NAA11: variants seen among roughly 807,000 people sequenced by gnomAD.
The protein encoded by NAA11 is N-alpha-acetyltransferase 11.
A neutral mutation model predicts 16.1 loss-of-function variants in NAA11; 15 were observed. The observed-to-expected ratio is 0.93, with a 90% CI of 0.62 to 1.44. The LOEUF is 1.44. Among genes scored for constraint, NAA11 ranks in the 40% most tolerant of loss-of-function variants. The pLI is 0.00. For missense variants in NAA11, 298 were observed against 291.3 expected (o/e 1.02, Z -0.17); for synonymous variants, 122 against 112.4 (o/e 1.09, Z -0.54).
chr4:79,246,474 C>A (rs1244964532), intron 2 of NAA11, among the ~76,000 whole-genome samples: 1 of 150,240 alleles, frequency 6.7e-6, no homozygotes, highest in Non-Finnish European at 1.5e-5. Context: ...CTTTAAAATG[C>A]AATTAAGTAT....
intron 2 of NAA11, among the ~76,000 whole-genome samples, chr4:79,228,619 G>T (rs990529120): frequency 1.3e-5 from 2 of 151,794 alleles, no homozygotes; most frequent in Non-Finnish European, 1.5e-5. Flanking sequence ...ATTAAGATTT[G>T]CCCATGTTTC....
At chr4:79,217,911 AGAAG>A in the NAA11 span, among the ~76,000 whole-genome samples, 1 of 152,132 alleles carries the variant, frequency 6.6e-6, no homozygotes. Flanking sequence ...GAAGGAAGAG[AGAAG>A]GAAGGAAGAA....
Position 79,243,073 on chromosome 4 carries a change from G to C in NAA11, c.*123-16803C>G, listed in dbSNP as rs116119873. Among the ~76,000 whole-genome samples, 948 of 152,256 alleles carry C rather than the reference G, an allele frequency of 6.2e-3. 12 individuals are homozygous for C. Among genetic ancestry groups the C allele is most frequent in the African/African-American group, 0.022 (904 of 41,544 alleles). ...TTACCCAAGTGATTTTCCGGAGTTG[G>C]GTCAAGTTTGAAATTTCTGGGTAGT... On this transcript the variant is annotated intron_variant and NMD_transcript_variant, in intron 2 of 2. Coordinates refer to the NAA11 transcript ENST00000511542.
chr4:79,190,160 C>T, the NAA11 span, among the ~76,000 whole-genome samples: 1 of 152,064 alleles, frequency 6.6e-6, no homozygotes, highest in African/African-American at 2.4e-5. Context: ...GGGAAAAATC[C>T]ACTTCAAATG....
At chr4:79,315,999 T>C (rs1272462184), downstream of NAA11, among the ~76,000 whole-genome samples, 1 of 152,190 alleles carries the variant, frequency 6.6e-6, no homozygotes, top group Admixed American at 6.5e-5. Flanking sequence ...AGAAGTCATA[T>C]ATCATTTCCC....
At chr4:79,244,260 C>T (rs1194512897) in intron 2 of NAA11, among the ~76,000 whole-genome samples, 1 of 152,140 alleles carries the variant, frequency 6.6e-6, no homozygotes, top group Non-Finnish European at 1.5e-5. Context: ...AGGGAGAGCC[C>T]TCTCCTGCCC....
At chr4:79,317,814 C>G (rs952981949) in intron 1 of NAA11, 23 bp from the exon 2 acceptor site, 1 of 152,204 alleles carries the variant, frequency 6.6e-6, no homozygotes, top group Non-Finnish European at 1.5e-5. Flanking sequence ...GAGAAGAAAA[C>G]AAATGAGAAA....
intron 2 of NAA11, among the ~76,000 whole-genome samples, chr4:79,232,931 G>A (rs1374334241): frequency 6.6e-6 from 1 of 151,848 alleles, no homozygotes; most frequent in Non-Finnish European, 1.5e-5. Context: ...AACTTTTATG[G>A]CCCAGGAAAA....
the NAA11 span, among the ~76,000 whole-genome samples, chr4:79,188,166 G>C: frequency 2.0e-5 from 3 of 151,924 alleles, no homozygotes; most frequent in East Asian, 1.9e-4. Context: ...AATTAGACTA[G>C]GCATTCAGCT....
intron 2 of NAA11, among the ~76,000 whole-genome samples, chr4:79,262,026 G>C (rs745394364): frequency 4.6e-5 from 7 of 152,086 alleles, no homozygotes; most frequent in Non-Finnish European, 8.8e-5. Context: ...CTGGATATCT[G>C]AGGAGAACCT....
intron 2 of NAA11, among the ~76,000 whole-genome samples, chr4:79,265,249 A>G (rs533328605): frequency 6.6e-6 from 1 of 152,010 alleles, no homozygotes; most frequent in African/African-American, 2.4e-5. Flanking sequence ...CCCTGCTCCA[A>G]CTCACCCTCA....
At chr4:79,157,975 A>G in the NAA11 span, among the ~76,000 whole-genome samples, 1 of 143,136 alleles carries the variant, frequency 7.0e-6, no homozygotes, top group East Asian at 2.0e-4. Context: ...ATCTCGGCTC[A>G]TTGCAAGGTC....
intron 2 of NAA11, chr4:79,227,871 T>C (rs1050816309): frequency 7.9e-5 from 12 of 152,044 alleles, no homozygotes; most frequent in African/African-American, 2.7e-4. Flanking sequence ...ACTTCTATCA[T>C]GCATTTGGCT....
chr4:79,282,062 T>C (rs908112973), intron 2 of NAA11, among the ~76,000 whole-genome samples: 1 of 152,090 alleles, frequency 6.6e-6, no homozygotes. Context: ...ACCTGAATGA[T>C]GGGAATTAAC....
At chr4:79,299,617 C>T (rs1723329732) in intron 1 of NAA11, 1 of 152,168 alleles carries the variant, frequency 6.6e-6, no homozygotes, top group African/African-American at 2.4e-5. Flanking sequence ...TCAGTTGACA[C>T]TTCCTCCTCT....
chr4:79,235,444 C>T (rs189897630), intron 2 of NAA11, among the ~76,000 whole-genome samples: 80 of 152,054 alleles, frequency 5.3e-4, no homozygotes, highest in African/African-American at 1.8e-3. Flanking sequence ...CCATATAAAC[C>T]AATTATTCAA....
chr4:79,289,512 T>A (rs569300038), intron 2 of NAA11, among the ~76,000 whole-genome samples: 4 of 152,324 alleles, frequency 2.6e-5, no homozygotes, highest in African/African-American at 9.6e-5. Flanking sequence ...TTTACATCAA[T>A]TATCTCGTTT....
At chr4:79,173,753 TG>T in the NAA11 span, among the ~76,000 whole-genome samples, 1 of 152,088 alleles carries the variant, frequency 6.6e-6, no homozygotes, top group African/African-American at 2.4e-5. Context: ...TAATAAGGTA[TG>T]TTCCACGTTC....
At chr4:79,190,524 A>G in the NAA11 span, among the ~76,000 whole-genome samples, 1 of 151,736 alleles carries the variant, frequency 6.6e-6, no homozygotes, top group East Asian at 1.9e-4. Flanking sequence ...TGATGGCAGG[A>G]ATCTGTGTAA....
Sources: allele counts gnomAD v4.1 joint callset (sites outside exome capture counted in the v4.1 genomes callset), GRCh38; gene constraint gnomAD v4.1.1; transcripts MANE v1.5; gene names NCBI Gene and HGNC (gene_info 2026-07-23, HGNC 2026-07-21).